Variants in ERMP1 observed in about 807,000 individuals in gnomAD.
ERMP1 encodes Felix-ina.
Under a neutral mutation model 92.0 loss-of-function variants are expected in ERMP1, and 86 were observed. The ratio of observed to expected loss-of-function variants is 0.93; its 90% CI spans 0.79 to 1.12. The LOEUF is 1.12. Ranked by LOEUF, ERMP1 falls within the 50% of genes most tolerant of loss-of-function variation. The pLI is 0.00. For missense variants in ERMP1, 1,342 were observed against 1,116.3 expected, an observed-to-expected ratio of 1.20 and a Z score of -2.88; for synonymous variants, 530 against 412.8, an observed-to-expected ratio of 1.28 and a Z score of -3.44.
At chr9:5,809,868 T>C (rs1053203153) in intron 8 of ERMP1, 143 bp downstream of exon 8, 1 of 607,608 alleles carries the variant, frequency 1.6e-6, no homozygotes, top group Non-Finnish European at 2.9e-6. Flanking sequence ...TTCAGAAAAT[T>C]AACACAGTGT....
intron 6 of ERMP1, among the ~76,000 whole-genome samples, chr9:5,854,877 G>A (rs954948376): frequency 6.6e-6 from 1 of 152,098 alleles, no homozygotes; most frequent in Admixed American, 6.5e-5. Flanking sequence ...ATTTATGTAG[G>A]TTAATATTTC....
intron 13 of ERMP1, among the ~76,000 whole-genome samples, chr9:5,788,779 T>C (rs1333391246): frequency 1.3e-5 from 2 of 152,064 alleles, no homozygotes; most frequent in African/African-American, 2.4e-5. Context: ...ATACAAACAT[T>C]TGGGGATATT....
intron 8 of ERMP1, among the ~76,000 whole-genome samples, chr9:5,807,107 T>G (rs1419003219): frequency 1.3e-5 from 2 of 152,210 alleles, no homozygotes; most frequent in East Asian, 1.9e-4. Context: ...GTGCCCAAAC[T>G]GCACCAAAGA....
chr9:5,841,522 G>T (rs921267299), intron 6 of ERMP1, among the ~76,000 whole-genome samples: 3 of 152,170 alleles, frequency 2.0e-5, no homozygotes, highest in African/African-American at 7.2e-5. Flanking sequence ...TTGGGGCCAG[G>T]TGTGGTGGCT....
In ERMP1 at chr9:5,812,768, A is replaced by G. The variant is rs755935857; in HGVS notation, c.1021+121T>C. ...AAACTCTGTTTTAGTGAGTCAATGT[A>G]TATTTCTCACATAAAGAATTTGATC... is the stretch of plus-strand genomic sequence containing the variant. On this transcript the variant is annotated intron_variant, in intron 5 of 14. Transcript: ENST00000339450. 1.4e-5 allele frequency: 16 copies of G among 1,107,474 alleles called. 1 individual carries two copies. Among genetic ancestry groups the G allele is most frequent in the Non-Finnish European group, 1.4e-6 (1 of 727,252 alleles). The allele number at this position is 1,107,474 out of a possible 1,614,324, so 68.6% of individuals were successfully genotyped here. A position where few individuals can be genotyped will look rare whatever the true frequency, so the allele number is the denominator to read the frequency against.
Position 5,827,553 on chromosome 9 carries a change from A to G in ERMP1, c.641-2334T>C, listed in dbSNP as rs560326948. 1.6e-4 allele frequency among the ~76,000 whole-genome samples: 25 copies of G among 152,298 alleles called. 1 individual carries two copies. In the South Asian group the frequency reaches 5.2e-3, roughly 32 times the overall value. On this transcript the variant is annotated intron_variant, in intron 2 of 14. Coordinates refer to ENST00000339450, the MANE Select transcript of ERMP1 (RefSeq NM_024896.3). ...AGATTGTTGCTAAGGGTATTCCTAT[A>G]AAATTTTAGTTAAAAGTAGGTTCTA...
At chr9:5,824,981 C>A in intron 3 of ERMP1, 111 bp downstream of exon 3, 1 of 1,023,714 alleles carries the variant, frequency 9.8e-7, no homozygotes, top group Non-Finnish European at 1.4e-6. Context: ...TTATTTTATA[C>A]TACCCACAGG....
chr9:5,811,720 G>C (rs1378055617), intron 6 of ERMP1, among the ~76,000 whole-genome samples: 2 of 152,114 alleles, frequency 1.3e-5, no homozygotes, highest in Middle Eastern at 3.2e-3. Context: ...CACTCTTCTA[G>C]ATATCAGAAA....
chr9:5,849,321 CAGTT>C (rs1830278556), intron 6 of ERMP1, among the ~76,000 whole-genome samples: 1 of 152,098 alleles, frequency 6.6e-6, no homozygotes, highest in Non-Finnish European at 1.5e-5. Flanking sequence ...GCGTCTGGCC[CAGTT>C]AGTTTGATTT....
intron 6 of ERMP1, among the ~76,000 whole-genome samples, chr9:5,851,939 T>C (rs1474824280): frequency 6.6e-6 from 1 of 152,190 alleles, no homozygotes. Flanking sequence ...TTTTCTGCCA[T>C]TAAAAAATCT....
chr9:5,800,067 G>C (rs1250740247), intron 11 of ERMP1, among the ~76,000 whole-genome samples: 1 of 152,050 alleles, frequency 6.6e-6, no homozygotes, highest in Non-Finnish European at 1.5e-5. Context: ...TGGCATTTCT[G>C]TTTGGCTAGA....
At chr9:5,791,354 G>T in intron 13 of ERMP1, 11 of 455,144 alleles carry the variant, frequency 2.4e-5, no homozygotes, top group South Asian at 1.7e-4. Flanking sequence ...TCTCCTTGGG[G>T]AAGGTCAGTC....
chr9:5,855,557 G>C (rs917482198), intron 6 of ERMP1, among the ~76,000 whole-genome samples: 1 of 152,248 alleles, frequency 6.6e-6, no homozygotes, highest in Non-Finnish European at 1.5e-5. Context: ...AATCCAGCCT[G>C]AGTTGCTTTC....
rs761471133 is a variant in ERMP1, at chr9:5,805,804, T to G, written c.1549-19A>C. The G allele has an allele frequency of 3.2e-6, 5 of 1,577,578 alleles. No homozygotes were observed. The highest frequency in any genetic ancestry group is 4.3e-6 in the Non-Finnish European group (5 of 1,163,704). On this transcript the variant is annotated intron_variant, in intron 8 of 14. Coordinates refer to ENST00000339450, the MANE Select transcript of ERMP1 (RefSeq NM_024896.3). ...TGGCATTCTGAAAGAAAGAAAAATA[T>G]ACAAGTAGTCTCATTCAGGGGTCAT... is the stretch of plus-strand genomic sequence containing the variant.
chr9:5,817,349 C>G (rs896075387), intron 4 of ERMP1, among the ~76,000 whole-genome samples: 2 of 152,122 alleles, frequency 1.3e-5, no homozygotes, highest in Non-Finnish European at 1.5e-5. Flanking sequence ...GCCACCATGC[C>G]TGGCTAATTT....
At chr9:5,806,677 C>G (rs1828885852) in intron 8 of ERMP1, among the ~76,000 whole-genome samples, 1 of 152,062 alleles carries the variant, frequency 6.6e-6, no homozygotes, top group African/African-American at 2.4e-5. Flanking sequence ...TGGCCTCAAG[C>G]AGTCTTCCCA....
rs531899372 is a variant in ERMP1, at chr9:5,829,987, TG to T, written c.640+739del. Reference sequence around the variant, plus strand: ...ATACTGCATCAGGCACTGTCCTAAATGCAAGTATTCTATTTTGCCAAATGAT... The same window carrying T: ...ATACTGCATCAGGCACTGTCCTAAATCAAGTATTCTATTTTGCCAAATGAT... On this transcript the variant is annotated intron_variant, in intron 2 of 14. Coordinates refer to ENST00000339450, the MANE Select transcript of ERMP1 (RefSeq NM_024896.3). Among the ~76,000 whole-genome samples, 121 of 152,358 alleles carry T rather than the reference TG, an allele frequency of 7.9e-4. 1 individual carries two copies. Among genetic ancestry groups the T allele is most frequent in the South Asian group, 6.2e-3 (30 of 4,828 alleles).
At position 5,811,260 on chromosome 9, in the gene ERMP1, T is replaced by G. The variant is rs1309245369; in HGVS notation, c.1178A>C (p.Lys393Thr). 1 of 1,613,700 alleles carries G rather than the reference T, an allele frequency of 6.2e-7. No homozygotes were observed. Among genetic ancestry groups the G allele is most frequent in the Non-Finnish European group, 8.5e-7 (1 of 1,179,956 alleles). Residue 393 changes from lysine to threonine, a missense_variant, in exon 7 of 15, where the codon AAG becomes ACG. By Grantham distance (78) the Lys-to-Thr change is moderately conservative. Coordinates refer to ENST00000339450, the MANE Select transcript of ERMP1 (RefSeq NM_024896.3). ...ATSDMLAAASKYRHGNMVFFD... is the reference protein window; with the variant it reads ...ATSDMLAAASTYRHGNMVFFD... ...GAAGACCATGTTTCCATGTCGATAC[T>G]TAGAAGCAGCAGCCAGCATATCAGA... is the stretch of plus-strand genomic sequence containing the variant.
chr9:5,799,549 T>C (rs1274273887), intron 11 of ERMP1, among the ~76,000 whole-genome samples: 4 of 152,196 alleles, frequency 2.6e-5, no homozygotes, highest in African/African-American at 7.2e-5. Context: ...AAACACTGCA[T>C]AGGGCAGGAG....
Sources: allele counts gnomAD v4.1 joint callset (sites outside exome capture counted in the v4.1 genomes callset), GRCh38; gene constraint gnomAD v4.1.1; transcripts MANE v1.5; gene names NCBI Gene and HGNC (gene_info 2026-07-23, HGNC 2026-07-21).